The following RBFOX1 variants were observed in gnomAD, a reference collection of about 807,000 sequenced individuals.
The protein encoded by RBFOX1 is RNA binding fox-1 homolog 1.
Under a neutral mutation model 57.7 loss-of-function variants are expected in RBFOX1, and 8 were observed. That is an observed-to-expected ratio of 0.14 (90% CI 0.08 to 0.25). RBFOX1 has a LOEUF of 0.25. RBFOX1 is among the 10% of genes least tolerant of loss of function. The pLI is 1.00. For missense variants in RBFOX1, 611 were observed against 548.5 expected (o/e 1.11, Z -1.14); for synonymous variants, 326 against 222.4 (o/e 1.47, Z -4.15).
At chr16:6,198,281 T>G (rs1006389139) in intron 1 of RBFOX1, among the ~76,000 whole-genome samples, 2 of 152,070 alleles carry the variant, frequency 1.3e-5, no homozygotes, top group African/African-American at 4.8e-5. Flanking sequence ...AAAAGCTAAT[T>G]TGAGTAGATA....
chr16:6,641,734 C>CAAAAAAAAAAA (rs869202831), intron 2 of RBFOX1, among the ~76,000 whole-genome samples: 14 of 68,948 alleles, frequency 2.0e-4, no homozygotes, highest in African/African-American at 3.2e-4. Context: ...GACTCCGTCT[C>CAAAAAAAAAAA]AAAAAAAAAA....
At chr16:5,895,518 G>A (rs146702191) in intron 4 of RBFOX1, among the ~76,000 whole-genome samples, 131 of 152,348 alleles carry the variant, frequency 8.6e-4, no homozygotes, top group Non-Finnish European at 1.4e-3. Flanking sequence ...TTTTCATTCG[G>A]AAATGATAAC....
chr16:7,673,699 G>A (rs2072346902), intron 13 of RBFOX1, among the ~76,000 whole-genome samples: 1 of 152,144 alleles, frequency 6.6e-6, no homozygotes. Flanking sequence ...GGTGGTGGTG[G>A]CAACAAGATG....
At chr16:6,545,220 C>G (rs1256466975) in intron 2 of RBFOX1, among the ~76,000 whole-genome samples, 1 of 152,196 alleles carries the variant, frequency 6.6e-6, no homozygotes, top group Admixed American at 6.5e-5. Flanking sequence ...TTTTCCTTGC[C>G]TTCAGATCCA....
At chr16:6,245,860 C>G (rs1419865036) in intron 1 of RBFOX1, among the ~76,000 whole-genome samples, 3 of 152,190 alleles carry the variant, frequency 2.0e-5, no homozygotes, top group Admixed American at 6.5e-5. Flanking sequence ...ATCAGGATCT[C>G]CGCTTGGTTT....
chr16:7,672,433 C>G (rs914261433), intron 13 of RBFOX1, among the ~76,000 whole-genome samples: 3 of 152,110 alleles, frequency 2.0e-5, no homozygotes, highest in African/African-American at 7.2e-5. Context: ...TGAGAATTGA[C>G]TGAGTTTTAA....
At chr16:6,557,968 A>T (rs1250747153) in intron 2 of RBFOX1, among the ~76,000 whole-genome samples, 1 of 152,086 alleles carries the variant, frequency 6.6e-6, no homozygotes, top group African/African-American at 2.4e-5. Context: ...TCTTGCCACA[A>T]CCTCATTTTT....
chr16:5,978,128 C>CAAAAAAAAAAAAAAAAAAAAAAA (rs140908065), intron 4 of RBFOX1, among the ~76,000 whole-genome samples: 1 of 31,516 alleles, frequency 3.2e-5, no homozygotes, highest in African/African-American at 1.4e-4. Flanking sequence ...CTGTCTCTTC[C>CAAAAAAAAAAAAAAAAAAAAAAA]AAAAAAAAAA....
At chr16:5,491,574 A>G (rs946541958) in intron 2 of RBFOX1, among the ~76,000 whole-genome samples, 1 of 152,238 alleles carries the variant, frequency 6.6e-6, no homozygotes, top group Non-Finnish European at 1.5e-5. Context: ...AGCAATCAAA[A>G]TAGATTAACA....
intron 3 of RBFOX1, among the ~76,000 whole-genome samples, chr16:7,011,173 T>C (rs2093636332): frequency 6.6e-6 from 1 of 152,170 alleles, no homozygotes. Context: ...GATTTGGATT[T>C]ATTTGATTTC....
intron 3 of RBFOX1, among the ~76,000 whole-genome samples, chr16:5,677,847 A>G (rs1304136308): frequency 4.6e-5 from 7 of 152,138 alleles, no homozygotes; most frequent in Admixed American, 6.5e-5. Context: ...TCTTATGAAG[A>G]TGGATTATGG....
intron 2 of RBFOX1, among the ~76,000 whole-genome samples, chr16:5,565,289 G>A (rs1374448774): frequency 1.3e-5 from 2 of 152,126 alleles, no homozygotes; most frequent in East Asian, 1.9e-4. Context: ...ACGTGCGTGC[G>A]TGTGTTCATG....
At chr16:7,340,459 C>G (rs1183095126) in intron 4 of RBFOX1, among the ~76,000 whole-genome samples, 1 of 152,188 alleles carries the variant, frequency 6.6e-6, no homozygotes, top group East Asian at 1.9e-4. Flanking sequence ...TACCTGGTAT[C>G]TTCTCCGTTG....
At chr16:7,124,480 C>G (rs940456866) in intron 4 of RBFOX1, among the ~76,000 whole-genome samples, 1 of 150,948 alleles carries the variant, frequency 6.6e-6, no homozygotes, top group Non-Finnish European at 1.5e-5. Flanking sequence ...TCTGAACCAA[C>G]CATCCTCCCT....
chr16:5,290,130 A>C (rs998600348), intron 1 of RBFOX1, among the ~76,000 whole-genome samples: 5 of 152,214 alleles, frequency 3.3e-5, no homozygotes, highest in African/African-American at 1.2e-4. Context: ...ACAAAAGGTC[A>C]CATAAGATTT....
At chr16:5,941,364 C>G (rs1433409493) in intron 4 of RBFOX1, among the ~76,000 whole-genome samples, 1 of 151,530 alleles carries the variant, frequency 6.6e-6, no homozygotes, top group Non-Finnish European at 1.5e-5. Context: ...GTAGAGCATG[C>G]CTGTCGTCCC....
At chr16:5,431,204 C>T (rs968304295) in intron 1 of RBFOX1, among the ~76,000 whole-genome samples, 16 of 152,100 alleles carry the variant, frequency 1.1e-4, no homozygotes, top group Admixed American at 6.6e-4. Flanking sequence ...GGAGATAACT[C>T]GATTCTCCAA....
chr16:6,463,194 T>C (rs2094959947), intron 2 of RBFOX1, among the ~76,000 whole-genome samples: 1 of 152,222 alleles, frequency 6.6e-6, no homozygotes, highest in African/African-American at 2.4e-5. Context: ...TTTGCAAAGC[T>C]AAGTATGAAA....
intron 3 of RBFOX1, among the ~76,000 whole-genome samples, chr16:5,839,529 G>A (rs533232052): frequency 2.6e-5 from 4 of 152,144 alleles, no homozygotes; most frequent in Non-Finnish European, 5.9e-5. Context: ...ACATTAACCT[G>A]AAGTGCTCTG....
Sources: gnomAD v4.1 joint callset for allele counts (sites outside exome capture counted in the v4.1 genomes callset) on GRCh38, gnomAD v4.1.1 for gene constraint, MANE v1.5 for transcripts, NCBI Gene and HGNC (gene_info 2026-07-23, HGNC 2026-07-21) for gene names.